Variants in COQ5 observed in about 807,000 individuals in gnomAD.
COQ5 encodes the protein coenzyme Q5, methyltransferase, also known as 2-methoxy-6-polyprenyl-1,4-benzoquinol methylase, mitochondrial.
COQ5 carries 27 observed loss-of-function variants against 40.5 expected under a neutral mutation model. The observed-to-expected ratio is 0.67, with a 90% CI of 0.49 to 0.92. The LOEUF (loss-of-function observed/expected upper bound fraction) is 0.92. Among genes scored for constraint, COQ5 ranks in the 40% least tolerant of loss-of-function variants. The probability of loss-of-function intolerance (pLI) is 0.00; values close to 1 mark genes in which losing one functional copy is unlikely to be tolerated. For synonymous variants in COQ5, 141 were observed against 150.0 expected, an observed-to-expected ratio of 0.94 and a Z score of 0.44; for missense variants, 409 against 406.4, an observed-to-expected ratio of 1.01 and a Z score of -0.06.
intron 3 of COQ5, among the ~76,000 whole-genome samples, chr12:120,514,851 T>C (rs1451979375): frequency 1.3e-5 from 2 of 151,882 alleles, no homozygotes; most frequent in Admixed American, 1.3e-4. Flanking sequence ...TGGAGTGCAA[T>C]GGCACCATCT....
intron 3 of COQ5, among the ~76,000 whole-genome samples, chr12:120,514,105 A>C (rs1007240516): frequency 1.3e-5 from 2 of 152,150 alleles, no homozygotes; most frequent in Non-Finnish European, 2.9e-5. Context: ...TGAGTACCAG[A>C]GAGAAGGGAA....
intron 3 of COQ5, 113 bp downstream of exon 3, chr12:120,516,454 C>T: frequency 1.1e-6 from 1 of 896,056 alleles, no homozygotes; most frequent in Non-Finnish European, 1.9e-6. Context: ...TCAACCTGCC[C>T]ATCTATAAGT....
intron 1 of COQ5, chr12:120,524,039 G>A (rs1869813776): frequency 3.4e-6 from 1 of 293,712 alleles, no homozygotes. Context: ...CATGATTAAT[G>A]GAAGGAAAGA....
chr12:120,521,634 C>A (rs1222993775), intron 2 of COQ5, among the ~76,000 whole-genome samples: 1 of 146,906 alleles, frequency 6.8e-6, no homozygotes. Flanking sequence ...CGAGATTGCA[C>A]CGCTGCTGCA....
intron 2 of COQ5, among the ~76,000 whole-genome samples, chr12:120,519,612 T>C (rs1869546860): frequency 6.6e-6 from 1 of 151,846 alleles, no homozygotes; most frequent in Non-Finnish European, 1.5e-5. Flanking sequence ...GGCTCATGCC[T>C]ATAATCCCAG....
At chr12:120,522,939 T>G (rs924272959) in intron 1 of COQ5, 1 of 635,712 alleles carries the variant, frequency 1.6e-6, no homozygotes, top group African/African-American at 1.8e-5. Context: ...CCTGGCACTG[T>G]TGGCCTGCAT....
intron 4 of COQ5, among the ~76,000 whole-genome samples, chr12:120,507,669 C>T (rs1424634883): frequency 6.7e-6 from 1 of 149,872 alleles, no homozygotes; most frequent in Admixed American, 6.6e-5. Context: ...GGGTGGATCA[C>T]CTGAGGTTGG....
At position 120,524,854 on chromosome 12, in the gene COQ5, T is replaced by C. The variant is rs561963631; in HGVS notation, c.203-2491A>G. ...TTTTTTTTGGGACGGAGTCTTGCTCTGTCACCCAGGCTGGAGTGCAGTGGC... is the reference window on the plus strand; with the variant it reads ...TTTTTTTTGGGACGGAGTCTTGCTCCGTCACCCAGGCTGGAGTGCAGTGGC... On this transcript the variant is annotated intron_variant, in intron 1 of 6. Transcript: ENST00000288532. 3.9e-3 allele frequency among the ~76,000 whole-genome samples: 598 copies of C among 152,198 alleles called. 8 individuals are homozygous for C. Among genetic ancestry groups the C allele is most frequent in the African/African-American group, 0.013 (555 of 41,528 alleles).
chr12:120,508,556 A>G (rs1221713447), intron 4 of COQ5, among the ~76,000 whole-genome samples: 4 of 152,198 alleles, frequency 2.6e-5, no homozygotes, highest in Admixed American at 1.3e-4. Flanking sequence ...AAAAAAAGAA[A>G]TATCAATTGG....
Position 120,504,946 on chromosome 12 carries a change from C to T in COQ5, c.719G>A (p.Gly240Glu), listed in dbSNP as rs1390429165. 3.7e-6 allele frequency: 6 copies of T among 1,614,150 alleles called. No homozygotes were observed. The highest frequency in any genetic ancestry group is 1.1e-5 in the South Asian group (1 of 91,086). The part of the protein sequence containing the change: ...QEAHRVLKPG[G>E]RFLCLEFSQV... ...GCTAAATTCCAGACAGAGAAACCGT[C>T]CTCCTGGTTTCAGCACCCGATGAGC... is the stretch of plus-strand genomic sequence containing the variant. The change falls in exon 5 of 7, where the codon GGA (glycine) becomes GAA (glutamate). Residue 240 changes from glycine to glutamate, a missense_variant. By Grantham distance (98) the Gly-to-Glu change is moderately conservative. Transcript: ENST00000288532.
intron 1 of COQ5, among the ~76,000 whole-genome samples, chr12:120,527,639 T>G (rs1173148360): frequency 5.3e-5 from 8 of 152,150 alleles, no homozygotes; most frequent in Admixed American, 5.2e-4. Context: ...TCTTCCTTGC[T>G]TGCCACTGTG....
At chr12:120,504,659 C>A (rs1203011045) in intron 5 of COQ5, 2 of 515,936 alleles carry the variant, frequency 3.9e-6, no homozygotes, top group Non-Finnish European at 7.0e-6. Flanking sequence ...TTGGACCAGG[C>A]ATTTCCTGAT....
At chr12:120,516,305 G>A (rs1475824391) in intron 3 of COQ5, among the ~76,000 whole-genome samples, 1 of 152,118 alleles carries the variant, frequency 6.6e-6, no homozygotes, top group Non-Finnish European at 1.5e-5. Context: ...GAAGTTGTGT[G>A]ACTTGGGTAA....
rs75674028 is a variant in COQ5 at position 120,528,384 on chromosome 12, C to T, written c.202+556G>A. Among the ~76,000 whole-genome samples, 1,220 of 152,220 alleles carry T rather than the reference C, an allele frequency of 8.0e-3. 16 individuals are homozygous for T. Among genetic ancestry groups the T allele is most frequent in the African/African-American group, 0.028 (1,173 of 41,520 alleles). ...TAACCTTTAAGTCTCAATTTCCTCA[C>T]GTGTAATATGGTAATAACAATACCC... On this transcript the variant is annotated intron_variant, in intron 1 of 6. Transcript: ENST00000288532.
intron 4 of COQ5, among the ~76,000 whole-genome samples, chr12:120,505,863 T>G (rs1245404896): frequency 7.2e-6 from 1 of 138,088 alleles, no homozygotes; most frequent in Non-Finnish European, 1.6e-5. Context: ...GCCTATTTGT[T>G]TGTTTTTTTG....
chr12:120,506,927 G>A (rs1453780857), intron 4 of COQ5, among the ~76,000 whole-genome samples: 9 of 151,838 alleles, frequency 5.9e-5, no homozygotes, highest in Admixed American at 1.3e-4. Context: ...TCCACCTCCC[G>A]GGTTCAAGCA....
intron 3 of COQ5, among the ~76,000 whole-genome samples, chr12:120,515,541 G>GT (rs768327834): frequency 1.3e-4 from 20 of 152,332 alleles, no homozygotes; most frequent in Non-Finnish European, 2.8e-4. Flanking sequence ...TTCTTTGAGT[G>GT]TATCAGATGG....
At chr12:120,521,411 C>T (rs1370720828) in intron 2 of COQ5, among the ~76,000 whole-genome samples, 4 of 151,876 alleles carry the variant, frequency 2.6e-5, no homozygotes, top group Non-Finnish European at 5.9e-5. Flanking sequence ...GGCACAGTGG[C>T]TCACTCCTGT....
At chr12:120,526,139 T>A (rs1431099775) in intron 1 of COQ5, among the ~76,000 whole-genome samples, 1 of 152,228 alleles carries the variant, frequency 6.6e-6, no homozygotes, top group East Asian at 1.9e-4. Flanking sequence ...ACACAACATG[T>A]TCAGCAACCA....
Sources: gnomAD v4.1 joint callset for allele counts (sites outside exome capture counted in the v4.1 genomes callset) on GRCh38, gnomAD v4.1.1 for gene constraint, MANE v1.5 for transcripts, NCBI Gene and HGNC (gene_info 2026-07-23, HGNC 2026-07-21) for gene names.